Variants in RASGRF2 observed in about 807,000 individuals in gnomAD.
RASGRF2 encodes the protein ras-specific guanine nucleotide-releasing factor 2.
In RASGRF2, 76 loss-of-function variants were observed where a neutral mutation model predicts 151.0. That is an observed-to-expected ratio of 0.50 (90% CI 0.42 to 0.61). The LOEUF is 0.61. Ranked by LOEUF, RASGRF2 falls within the 20% of genes least tolerant of loss-of-function variation. RASGRF2 has a pLI of 0.00. For synonymous variants in RASGRF2, 504 were observed against 566.5 expected (o/e 0.89, Z 1.57); for missense variants, 1,148 against 1,564.6 (o/e 0.73, Z 4.49).
At chr5:81,159,395 T>C (rs574812497) in intron 17 of RASGRF2, among the ~76,000 whole-genome samples, 1 of 152,354 alleles carries the variant, frequency 6.6e-6, no homozygotes, top group Admixed American at 6.5e-5. Flanking sequence ...TAAAACCTTA[T>C]TTACAAAAAC....
intron 17 of RASGRF2, among the ~76,000 whole-genome samples, chr5:81,162,898 G>A (rs1346025400): frequency 1.3e-5 from 2 of 152,188 alleles, no homozygotes; most frequent in East Asian, 3.9e-4. Context: ...AAGAAAGAAG[G>A]GCTGGAGGAG....
intron 2 of RASGRF2, among the ~76,000 whole-genome samples, chr5:81,047,862 C>G (rs1353733457): frequency 1.3e-5 from 2 of 152,134 alleles, no homozygotes; most frequent in African/African-American, 4.8e-5. Context: ...GTTGTTCATT[C>G]TCTCTCTCCC....
intron 17 of RASGRF2, among the ~76,000 whole-genome samples, chr5:81,136,253 A>T (rs1753751040): frequency 6.6e-6 from 1 of 152,210 alleles, no homozygotes; most frequent in Non-Finnish European, 1.5e-5. Flanking sequence ...TTGTTTATAT[A>T]GATCCAAGTT....
chr5:81,224,372 CCAT>C (rs1432174292), intron 26 of RASGRF2, among the ~76,000 whole-genome samples: 7 of 152,152 alleles, frequency 4.6e-5, no homozygotes, highest in East Asian at 3.9e-4. Context: ...AGGTCATTTT[CCAT>C]CATCATTTAA....
At chr5:81,095,318 A>G (rs1263028351) in intron 12 of RASGRF2, among the ~76,000 whole-genome samples, 1 of 152,168 alleles carries the variant, frequency 6.6e-6, no homozygotes, top group Non-Finnish European at 1.5e-5. Flanking sequence ...ACTCCACTCC[A>G]TATTTTGCTT....
chr5:81,174,069 T>C (rs1270910367), intron 17 of RASGRF2, among the ~76,000 whole-genome samples: 1 of 151,994 alleles, frequency 6.6e-6, no homozygotes, highest in Non-Finnish European at 1.5e-5. Context: ...AGCAGAAGAA[T>C]GGAAAAGAAG....
At chr5:80,964,432 T>A (rs34183016) in intron 1 of RASGRF2, among the ~76,000 whole-genome samples, 16 of 152,160 alleles carry the variant, frequency 1.1e-4, no homozygotes, top group African/African-American at 3.9e-4. Flanking sequence ...TTGGTGGCTG[T>A]TATCCTCTCT....
chr5:80,988,224 T>A (rs546846), intron 1 of RASGRF2, among the ~76,000 whole-genome samples: 108,586 of 151,674 alleles, frequency 0.72, 38,888 homozygotes, highest in East Asian at 0.79. Flanking sequence ...CTGATTTTTG[T>A]ATTTTTTGTA....
At chr5:81,189,676 A>G (rs1011236418) in intron 18 of RASGRF2, among the ~76,000 whole-genome samples, 1 of 145,454 alleles carries the variant, frequency 6.9e-6, no homozygotes, top group African/African-American at 2.5e-5. Context: ...ATTTTATACA[A>G]TCACCATGTC....
At chr5:81,008,376 CGTGACCTCCA>C (rs1223947762) in intron 1 of RASGRF2, among the ~76,000 whole-genome samples, 1 of 152,050 alleles carries the variant, frequency 6.6e-6, no homozygotes, top group Non-Finnish European at 1.5e-5. Flanking sequence ...GTCTCAAACT[CGTGACCTCCA>C]GTGATCCACC....
chr5:81,203,702 A>C (rs1755445130), intron 19 of RASGRF2, among the ~76,000 whole-genome samples: 1 of 152,204 alleles, frequency 6.6e-6, no homozygotes, highest in Non-Finnish European at 1.5e-5. Context: ...AACCGGTCCA[A>C]ACCTGTTTCC....
intron 15 of RASGRF2, among the ~76,000 whole-genome samples, chr5:81,114,456 A>T (rs1292841972): frequency 6.6e-6 from 1 of 152,228 alleles, no homozygotes; most frequent in Non-Finnish European, 1.5e-5. Flanking sequence ...TAGGAGAGAA[A>T]CCAAATTGGA....
At chr5:81,038,468 T>C (rs1054971277) in intron 1 of RASGRF2, among the ~76,000 whole-genome samples, 6 of 152,148 alleles carry the variant, frequency 3.9e-5, no homozygotes, top group Admixed American at 2.0e-4. Flanking sequence ...TTTTAAAATT[T>C]ATTAATCATT....
At chr5:81,047,256 G>A (rs947715898) in intron 2 of RASGRF2, among the ~76,000 whole-genome samples, 8 of 152,226 alleles carry the variant, frequency 5.3e-5, no homozygotes, top group East Asian at 3.9e-4. Context: ...ATCCCTTGGC[G>A]TGTGGGGTAT....
At chr5:81,213,811 A>G (rs1755675082) in intron 23 of RASGRF2, among the ~76,000 whole-genome samples, 1 of 152,190 alleles carries the variant, frequency 6.6e-6, no homozygotes, top group African/African-American at 2.4e-5. Flanking sequence ...TCTGTCAACA[A>G]TGGACCTGGT....
intron 9 of RASGRF2, 60 bp downstream of exon 9, chr5:81,087,013 G>T: frequency 6.9e-7 from 1 of 1,448,582 alleles, no homozygotes; most frequent in Non-Finnish European, 9.7e-7. Context: ...ACATGATCTC[G>T]GCACACCCCG....
At chr5:81,143,814 T>C (rs112596637) in intron 17 of RASGRF2, among the ~76,000 whole-genome samples, 10,217 of 150,916 alleles carry the variant, frequency 0.068, 404 homozygotes, top group African/African-American at 0.11. Context: ...TGCTTGAACC[T>C]GGGAGGCAGA....
intron 16 of RASGRF2, among the ~76,000 whole-genome samples, chr5:81,125,305 A>T (rs553880138): frequency 6.6e-6 from 1 of 152,208 alleles, no homozygotes; most frequent in Admixed American, 6.5e-5. Flanking sequence ...AGCTGTTGTC[A>T]TTGCCATGAG....
At chr5:81,081,243 G>A (rs773268532) in intron 7 of RASGRF2, among the ~76,000 whole-genome samples, 2 of 152,060 alleles carry the variant, frequency 1.3e-5, no homozygotes, top group Non-Finnish European at 2.9e-5. Flanking sequence ...CCTTCCTGTC[G>A]CGGTTGCTGT....
Sources: allele counts gnomAD v4.1 joint callset (sites outside exome capture counted in the v4.1 genomes callset), GRCh38; gene constraint gnomAD v4.1.1; transcripts MANE v1.5; gene names NCBI Gene and HGNC (gene_info 2026-07-23, HGNC 2026-07-21).